The following PRKAR1A variants were observed in gnomAD, a reference collection of about 807,000 sequenced individuals.
PRKAR1A encodes protein kinase cAMP-dependent type I regulatory subunit alpha.
A neutral mutation model predicts 52.0 loss-of-function variants in PRKAR1A; 3 were observed. The observed-to-expected ratio is 0.06, with a 90% CI of 0.03 to 0.15. PRKAR1A has a LOEUF of 0.15. Ranked by LOEUF, PRKAR1A falls within the 10% of genes least tolerant of loss-of-function variation. PRKAR1A has a pLI of 1.00. For missense variants in PRKAR1A, 240 were observed against 477.4 expected (o/e 0.50, Z 4.63); for synonymous variants, 188 against 168.4 (o/e 1.12, Z -0.90).
the PRKAR1A span, among the ~76,000 whole-genome samples, chr17:68,472,221 G>A: frequency 6.6e-6 from 1 of 152,134 alleles, no homozygotes; most frequent in Admixed American, 6.5e-5. Context: ...CAGGCAGGTG[G>A]CAAGTAAGGC....
chr17:68,450,138 T>C, the PRKAR1A span, among the ~76,000 whole-genome samples: 6 of 149,966 alleles, frequency 4.0e-5, no homozygotes, highest in Admixed American at 6.7e-5. Context: ...GAGATCAGAA[T>C]AATCCTTCAA....
Position 68,515,420 on chromosome 17 carries a change from C to A in PRKAR1A, c.21C>A (p.Ala7=), listed in dbSNP as rs753565093. The change falls in exon 2 of 11, where the codon GCC becomes GCA. Residue 7 remains alanine (A), a synonymous_variant. Coordinates refer to ENST00000589228, the MANE Select transcript of PRKAR1A (RefSeq NM_002734.5). Reference sequence around the variant, plus strand: ...GAACCATGGAGTCTGGCAGTACCGCCGCCAGTGAGGAGGCACGCAGCCTTC... The same window carrying A: ...GAACCATGGAGTCTGGCAGTACCGCAGCCAGTGAGGAGGCACGCAGCCTTC... MESGST[A]ASEEARSLRE... The A allele has an allele frequency of 6.2e-7, 1 of 1,613,332 alleles. No homozygotes were observed. The highest frequency in any genetic ancestry group is 8.5e-7 in the Non-Finnish European group (1 of 1,180,040).
the PRKAR1A span, among the ~76,000 whole-genome samples, chr17:68,430,548 A>G: frequency 6.6e-6 from 1 of 152,198 alleles, no homozygotes; most frequent in South Asian, 2.1e-4. Context: ...TCATGGAAGA[A>G]CAGACAGATC....
intron 11 of PRKAR1A, among the ~76,000 whole-genome samples, chr17:68,548,304 C>T (rs985963498): frequency 1.3e-5 from 2 of 151,514 alleles, no homozygotes; most frequent in African/African-American, 2.4e-5. Flanking sequence ...CTGAGGTGGG[C>T]GGATCACCTG....
chr17:68,487,243 G>A, the PRKAR1A span, among the ~76,000 whole-genome samples: 1 of 152,178 alleles, frequency 6.6e-6, no homozygotes, highest in Non-Finnish European at 1.5e-5. Context: ...AAATCTCAAA[G>A]TATGGTTTTG....
the PRKAR1A span, among the ~76,000 whole-genome samples, chr17:68,486,405 TTTCTTTC>T: frequency 4.1e-5 from 5 of 122,242 alleles, no homozygotes; most frequent in Non-Finnish European, 7.1e-5. Context: ...TCTTTCTTTC[TTTCTTTC>T]TTTCCTTCCT....
At chr17:68,486,784 C>T in the PRKAR1A span, among the ~76,000 whole-genome samples, 1 of 151,706 alleles carries the variant, frequency 6.6e-6, no homozygotes, top group Non-Finnish European at 1.5e-5. Context: ...CATTACCTTA[C>T]AGAAGTCACT....
chr17:68,517,748 T>C (rs909683223), intron 2 of PRKAR1A, among the ~76,000 whole-genome samples: 3 of 152,326 alleles, frequency 2.0e-5, no homozygotes, highest in Admixed American at 1.3e-4. Flanking sequence ...TTTCACATTT[T>C]GAAACACAGT....
chr17:68,430,241 T>C, the PRKAR1A span: 1 of 1,399,544 alleles, frequency 7.1e-7, no homozygotes, highest in East Asian at 2.3e-5. Context: ...CCAAGCGTCA[T>C]TAGCCACACT....
At chr17:68,426,239 G>T in the PRKAR1A span, 19 of 1,170,186 alleles carry the variant, frequency 1.6e-5, no homozygotes, top group East Asian at 4.8e-4. Flanking sequence ...ATGACCTGGC[G>T]GGTGGGGAGC....
intron 11 of PRKAR1A, chr17:68,543,743 C>T (rs371200043): frequency 4.9e-5 from 78 of 1,598,034 alleles, no homozygotes; most frequent in Non-Finnish European, 5.8e-5. Context: ...GAAGGAATCA[C>T]GCCCTGGACT....
intron 3 of PRKAR1A, 93 bp downstream of exon 3, chr17:68,523,019 A>C: frequency 6.8e-7 from 1 of 1,463,382 alleles, no homozygotes; most frequent in Non-Finnish European, 9.3e-7. Context: ...AAAATACAAA[A>C]CAGGGTGGAA....
chr17:68,537,097 G>T (rs1221859815), downstream of PRKAR1A: 1 of 466,082 alleles, frequency 2.1e-6, no homozygotes, highest in Non-Finnish European at 4.2e-6. The surrounding 1 kb of genome is among the most constrained non-coding windows in gnomAD (Gnocchi z 4.2). Context: ...CTTGTAGCTA[G>T]AATAAGGATC....
intron 11 of PRKAR1A, chr17:68,539,759 G>A (rs2086207330): frequency 1.2e-5 from 10 of 866,280 alleles, no homozygotes; most frequent in East Asian, 2.6e-5. Flanking sequence ...AGCCGGGCTC[G>A]AAGGAGACAA....
chr17:68,504,979 G>GA, the PRKAR1A span, among the ~76,000 whole-genome samples: 1 of 152,068 alleles, frequency 6.6e-6, no homozygotes, highest in Admixed American at 6.6e-5. Context: ...AAAATAGAGA[G>GA]AAAAACATAG....
At chr17:68,439,836 C>G in the PRKAR1A span, among the ~76,000 whole-genome samples, 3 of 152,146 alleles carry the variant, frequency 2.0e-5, no homozygotes, top group African/African-American at 7.2e-5. Context: ...CCAGATTTAA[C>G]ACTTCAAGAT....
intron 11 of PRKAR1A, chr17:68,539,812 C>A: frequency 6.8e-7 from 1 of 1,463,498 alleles, no homozygotes; most frequent in South Asian, 1.2e-5. Context: ...GCGTCTGTTT[C>A]CCCCGAGCAG....
At chr17:68,522,081 G>A (rs1249847562) in intron 2 of PRKAR1A, among the ~76,000 whole-genome samples, 1 of 152,222 alleles carries the variant, frequency 6.6e-6, no homozygotes, top group Admixed American at 6.5e-5. Context: ...GCTCTGCTGG[G>A]AGAAGTATTA....
chr17:68,464,894 C>G, the PRKAR1A span, among the ~76,000 whole-genome samples: 1 of 150,642 alleles, frequency 6.6e-6, no homozygotes, highest in African/African-American at 2.4e-5. Flanking sequence ...CAATCAAAAA[C>G]AGCATTTTAA....
Sources: gnomAD v4.1 joint callset for allele counts (sites outside exome capture counted in the v4.1 genomes callset) on GRCh38, gnomAD v4.1.1 for gene constraint, Gnocchi (gnomAD v3.1) non-coding constraint, MANE v1.5 for transcripts, NCBI Gene and HGNC (gene_info 2026-07-23, HGNC 2026-07-21) for gene names.